The following PRKAR1B variants were observed in gnomAD, a reference collection of about 807,000 sequenced individuals.
PRKAR1B encodes protein kinase cAMP-dependent type I regulatory subunit beta, also known as cAMP-dependent protein kinase type I-beta regulatory subunit.
PRKAR1B carries 22 observed loss-of-function variants against 46.5 expected under a neutral mutation model. The observed-to-expected ratio is 0.47, with a 90% CI of 0.34 to 0.68. PRKAR1B has a LOEUF of 0.68. PRKAR1B is among the 30% of genes least tolerant of loss of function. The probability of loss-of-function intolerance (pLI) is 0.01; values close to 1 mark genes in which losing one functional copy is unlikely to be tolerated. For synonymous variants in PRKAR1B, 259 were observed against 217.7 expected (o/e 1.19, Z -1.67); for missense variants, 445 against 535.6 (o/e 0.83, Z 1.67).
intron 9 of PRKAR1B, among the ~76,000 whole-genome samples, chr7:562,375 T>C (rs1002408732): frequency 1.6e-4 from 24 of 152,270 alleles, no homozygotes; most frequent in Admixed American, 1.5e-3. Context: ...CCCTGTCGCC[T>C]CCAGCTCCAC....
At chr7:634,233 A>G (rs1783915506) in intron 4 of PRKAR1B, among the ~76,000 whole-genome samples, 1 of 151,826 alleles carries the variant, frequency 6.6e-6, no homozygotes, top group South Asian at 2.1e-4. Context: ...TGTGTTGGCC[A>G]GGCTGGTCTC....
intron 9 of PRKAR1B, among the ~76,000 whole-genome samples, chr7:569,771 G>T (rs1271893449): frequency 6.6e-6 from 1 of 152,170 alleles, no homozygotes; most frequent in Admixed American, 6.5e-5. Context: ...GGGTGAGGCC[G>T]GAGTCCCTCT....
chr7:726,487 C>A (rs897862789), intron 1 of PRKAR1B: 2 of 374,728 alleles, frequency 5.3e-6, no homozygotes, highest in Admixed American at 4.6e-5. Context: ...CCTCCCGAGA[C>A]CTTCCCCATC....
chr7:552,619 G>C (rs544241766), intron 9 of PRKAR1B, among the ~76,000 whole-genome samples: 2 of 151,666 alleles, frequency 1.3e-5, no homozygotes, highest in African/African-American at 4.8e-5. Flanking sequence ...ACCACCGTCC[G>C]GCCTGGCCCA....
intron 4 of PRKAR1B, among the ~76,000 whole-genome samples, chr7:642,792 C>T (rs1019768879): frequency 6.6e-6 from 1 of 151,172 alleles, no homozygotes; most frequent in South Asian, 2.1e-4. Flanking sequence ...CCCCAGTCAA[C>T]CCCATTTCCT....
chr7:623,794 G>A lies in PRKAR1B; in HGVS notation c.441-16342C>T, dbSNP rs752646724. Among the ~76,000 whole-genome samples, 7 of 152,202 alleles carry A rather than the reference G, an allele frequency of 4.6e-5. No individual in the cohort carries two copies. The East Asian group carries it at 7.7e-4, about 17-fold the overall frequency. On this transcript the variant is annotated intron_variant, in intron 4 of 10. Coordinates refer to ENST00000537384, the MANE Select transcript of PRKAR1B (RefSeq NM_001164760.2). ...TCTTCCATGCCATGCTTTAACACAC[G>A]TCACTGAATAACGTTTTCTTGGCAT...
In PRKAR1B at chr7:691,116, C is replaced by A. The variant is rs184608223; in HGVS notation, c.178-10390G>T. The stretch of plus-strand genomic sequence containing the variant: ...ACCCGAAGGGTCCCACGCCCACCCA[C>A]ACTGGCCAGTCCGCTGCAAATCCTA... On this transcript the variant is annotated intron_variant, in intron 2 of 10. Transcript: ENST00000537384. Among the ~76,000 whole-genome samples the A allele has an allele frequency of 7.3e-3, 1,009 of 137,690 alleles. 26 individuals are homozygous for A. The highest frequency in any genetic ancestry group is 0.027 in the African/African-American group (902 of 33,450). 90.3% of individuals were successfully genotyped at this position (137,690 alleles called of 152,430 possible). A position where few individuals can be genotyped will look rare whatever the true frequency, so the allele number is the denominator to read the frequency against.
chr7:699,928 T>G (rs988574196), intron 2 of PRKAR1B, among the ~76,000 whole-genome samples: 1 of 151,968 alleles, frequency 6.6e-6, no homozygotes, highest in South Asian at 2.1e-4. Flanking sequence ...CGAGGCCCGA[T>G]GGGAAGCAGA....
At chr7:620,637 T>A (rs1050181304) in intron 4 of PRKAR1B, among the ~76,000 whole-genome samples, 4 of 152,264 alleles carry the variant, frequency 2.6e-5, no homozygotes, top group Admixed American at 6.5e-5. Flanking sequence ...GGCTTCTTAA[T>A]GATGATTTTT....
rs1000107333 is a variant in PRKAR1B at position 615,381 on chromosome 7, C to T, written c.441-7929G>A. On this transcript the variant is annotated intron_variant, in intron 4 of 10. Coordinates refer to ENST00000537384, the MANE Select transcript of PRKAR1B (RefSeq NM_001164760.2). ...CGGAGCTTGCAGTGAGCGGAGATCG[C>T]GCCACTGCACGCCAGCCTGGGAGAC... Among the ~76,000 whole-genome samples the T allele has an allele frequency of 5.4e-5, 8 of 146,808 alleles. No homozygotes were observed. The South Asian group carries it at 6.6e-4, about 12-fold the overall frequency.
At position 666,016 on chromosome 7, in the gene PRKAR1B, G is replaced by A. The variant is rs897071570; in HGVS notation, c.440+11213C>T. On this transcript the variant is annotated intron_variant, in intron 4 of 10. Coordinates refer to ENST00000537384, the MANE Select transcript of PRKAR1B (RefSeq NM_001164760.2). The surrounding 1 kb of genome is among the most constrained non-coding windows in gnomAD (Gnocchi z 4.9). ...GCCGCCTCAAGGGTGAGGTGCCCTCGCCTGTGCCCGTCTGGCAGCTCCAGT... is the reference window on the plus strand; with the variant it reads ...GCCGCCTCAAGGGTGAGGTGCCCTCACCTGTGCCCGTCTGGCAGCTCCAGT... 9.2e-5 allele frequency among the ~76,000 whole-genome samples: 14 copies of A among 152,174 alleles called. No individual in the cohort carries two copies. Among genetic ancestry groups the A allele is most frequent in the Admixed American group, 2.6e-4 (4 of 15,250 alleles).
At chr7:662,136 C>T (rs1418284256) in intron 4 of PRKAR1B, among the ~76,000 whole-genome samples, 1 of 107,282 alleles carries the variant, frequency 9.3e-6, no homozygotes, top group African/African-American at 3.9e-5. Context: ...CAAATACTTA[C>T]TCTTTCCCTC....
chr7:728,529 G>A (rs1781445799), upstream of PRKAR1B, among the ~76,000 whole-genome samples: 1 of 152,220 alleles, frequency 6.6e-6, no homozygotes, highest in East Asian at 1.9e-4. Context: ...ATTTCACATG[G>A]TCCAGAACTC....
chr7:555,792 C>T (rs969285616), intron 9 of PRKAR1B, among the ~76,000 whole-genome samples: 21 of 152,336 alleles, frequency 1.4e-4, no homozygotes, highest in African/African-American at 4.3e-4. Context: ...CAGCCCTACC[C>T]GAAGGCTGCA....
chr7:552,636 A>G (rs909908884), intron 9 of PRKAR1B, among the ~76,000 whole-genome samples: 2 of 144,396 alleles, frequency 1.4e-5, no homozygotes, highest in Non-Finnish European at 3.1e-5. Context: ...CCCAGCTCCC[A>G]TTTTTGTTCA....
intron 8 of PRKAR1B, among the ~76,000 whole-genome samples, chr7:583,415 C>CAT (rs1780331699): frequency 1.5e-5 from 1 of 68,070 alleles, no homozygotes; most frequent in African/African-American, 6.4e-5. Context: ...TGTGCACACC[C>CAT]ACGCACACAC....
chr7:643,037 G>A (rs1784468008), intron 4 of PRKAR1B, among the ~76,000 whole-genome samples: 1 of 151,602 alleles, frequency 6.6e-6, no homozygotes, highest in African/African-American at 2.4e-5. Context: ...TCTGTGTACG[G>A]CAGAGCCTGG....
chr7:606,871 ATT>A (rs1028012975), intron 5 of PRKAR1B, among the ~76,000 whole-genome samples: 3 of 149,288 alleles, frequency 2.0e-5, no homozygotes, highest in African/African-American at 7.7e-5. Flanking sequence ...ATATGTATCT[ATT>A]TTATACACAC....
intron 4 of PRKAR1B, among the ~76,000 whole-genome samples, chr7:621,185 A>G (rs1325482618): frequency 6.6e-6 from 1 of 152,196 alleles, no homozygotes; most frequent in Non-Finnish European, 1.5e-5. Context: ...TTTCTGTAGC[A>G]ATTTGAGAAG....
Sources: gnomAD v4.1 joint callset for allele counts (sites outside exome capture counted in the v4.1 genomes callset) on GRCh38, gnomAD v4.1.1 for gene constraint, Gnocchi (gnomAD v3.1) non-coding constraint, MANE v1.5 for transcripts, NCBI Gene and HGNC (gene_info 2026-07-23, HGNC 2026-07-21) for gene names.